TRAF3IP1: variants seen among roughly 807,000 people sequenced by gnomAD.
TRAF3IP1 encodes the protein intraflagellar transport 54.
TRAF3IP1 carries 53 observed loss-of-function variants against 89.9 expected under a neutral mutation model. The ratio of observed to expected loss-of-function variants is 0.59; its 90% CI spans 0.47 to 0.74. The LOEUF is 0.74. Among genes scored for constraint, TRAF3IP1 ranks in the 30% least tolerant of loss-of-function variants. The probability of loss-of-function intolerance (pLI) is 0.00; values close to 1 mark genes in which losing one functional copy is unlikely to be tolerated. For missense variants in TRAF3IP1, 806 were observed against 866.1 expected (o/e 0.93, Z 0.87); for synonymous variants, 311 against 322.1 (o/e 0.97, Z 0.37).
intron 15 of TRAF3IP1, among the ~76,000 whole-genome samples, chr2:238,366,058 A>T (rs1407216123): frequency 6.6e-6 from 1 of 152,156 alleles, no homozygotes; most frequent in African/African-American, 2.4e-5. Context: ...ATCCTGGCTA[A>T]TATGGTGAAA....
rs575734415 is a variant in TRAF3IP1, at chr2:238,329,160, C to T, written c.733C>T (p.Arg245Cys). The T allele has an allele frequency of 6.5e-6, 10 of 1,549,284 alleles. No individual in the cohort carries two copies. Among genetic ancestry groups the T allele is most frequent in the Middle Eastern group, 3.5e-4 (2 of 5,768 alleles). ...GNRERDRDSERKKETERKSEG... is the reference protein window; with the variant it reads ...GNRERDRDSECKKETERKSEG... ...CAGGGAGCGGGACAGAGACTCCGAGCGCAAGAAGGAGACAGAGAGAAAGAG... is the reference window on the plus strand; with the variant it reads ...CAGGGAGCGGGACAGAGACTCCGAGTGCAAGAAGGAGACAGAGAGAAAGAG... Residue 245 changes from arginine to cysteine, a missense_variant, in exon 5 of 17, where the codon CGC becomes TGC. By Grantham distance (180) the Arg-to-Cys change is radical. Transcript: ENST00000373327.
chr2:238,384,539 A>ATTTTTTTTTTTTTT (rs35203636), intron 15 of TRAF3IP1, among the ~76,000 whole-genome samples: 1 of 119,906 alleles, frequency 8.3e-6, no homozygotes, highest in Non-Finnish European at 1.7e-5. Flanking sequence ...CGCCTGGCTA[A>ATTTTTTTTTTTTTT]TTTTTTTTTT....
chr2:238,339,032 TTAAGG>T (rs1698512179), intron 8 of TRAF3IP1, among the ~76,000 whole-genome samples: 1 of 152,200 alleles, frequency 6.6e-6, no homozygotes, highest in South Asian at 2.1e-4. Context: ...TCAGTTTCAC[TTAAGG>T]TAAAAATAGT....
At chr2:238,394,169 CT>C (rs1204219002) in intron 15 of TRAF3IP1, among the ~76,000 whole-genome samples, 1 of 152,168 alleles carries the variant, frequency 6.6e-6, no homozygotes, top group Non-Finnish European at 1.5e-5. Context: ...GCACTCCAGC[CT>C]GGGCGACAGA....
chr2:238,366,099 G>C (rs537098705), intron 15 of TRAF3IP1, among the ~76,000 whole-genome samples: 1 of 152,094 alleles, frequency 6.6e-6, no homozygotes, highest in Admixed American at 6.5e-5. Context: ...CAAAGGGGTG[G>C]CAGGCGCCTG....
rs990689196 is a variant in TRAF3IP1, at chr2:238,351,808, A to G, written c.1452-1019A>G. 2.7e-5 allele frequency among the ~76,000 whole-genome samples: 4 copies of G among 150,654 alleles called. No homozygotes were observed. The highest frequency in any genetic ancestry group is 9.8e-5 in the African/African-American group (4 of 40,716). ...TCTACATTCCCTCTGGACCTTGTGCATGGCACTGAAGCAAGGGAGGATTTT... is the reference window on the plus strand; with the variant it reads ...TCTACATTCCCTCTGGACCTTGTGCGTGGCACTGAAGCAAGGGAGGATTTT... On this transcript the variant is annotated intron_variant, in intron 12 of 16. Coordinates refer to ENST00000373327, the MANE Select transcript of TRAF3IP1 (RefSeq NM_015650.4). This position sits in a 1 kb window ranked among gnomAD's most constrained non-coding sequence, Gnocchi z 5.2.
intron 8 of TRAF3IP1, among the ~76,000 whole-genome samples, chr2:238,341,567 T>TTGA (rs1332280786): frequency 1.3e-5 from 2 of 151,616 alleles, no homozygotes; most frequent in Non-Finnish European, 2.9e-5. Context: ...CACTGGCTAT[T>TTGA]TGATGACATT....
Position 238,380,698 on chromosome 2 carries a change from G to A in TRAF3IP1, c.1690-16761G>A, listed in dbSNP as rs575236532. 9.2e-3 allele frequency among the ~76,000 whole-genome samples: 1,402 copies of A among 152,232 alleles called. 4 individuals are homozygous for A. Among genetic ancestry groups the A allele is most frequent in the Non-Finnish European group, 0.015 (1,015 of 68,006 alleles). On this transcript the variant is annotated intron_variant, in intron 15 of 16. Coordinates refer to ENST00000373327, the MANE Select transcript of TRAF3IP1 (RefSeq NM_015650.4). The stretch of plus-strand genomic sequence containing the variant: ...TGATTCACCCCCGGCCCCAAGGTGA[G>A]ATGACCCCAACAATATTTTAAAGGA...
chr2:238,385,673 C>T (rs1481114829), intron 15 of TRAF3IP1, among the ~76,000 whole-genome samples: 1 of 152,180 alleles, frequency 6.6e-6, no homozygotes, highest in Non-Finnish European at 1.5e-5. Flanking sequence ...CCAGTTTTTC[C>T]GTGGACTGCT....
rs901434628 is a variant in TRAF3IP1, at chr2:238,351,873, G to A, written c.1452-954G>A. Among the ~76,000 whole-genome samples, 19 of 151,074 alleles carry A rather than the reference G, an allele frequency of 1.3e-4. No individual in the cohort carries two copies. The highest frequency in any genetic ancestry group is 4.1e-4 in the African/African-American group (17 of 41,058). On this transcript the variant is annotated intron_variant, in intron 12 of 16. Transcript: ENST00000373327. The surrounding 1 kb of genome is among the most constrained non-coding windows in gnomAD (Gnocchi z 5.2). ...TGTGTGTGTGTGTGTGTGTGCGCGC[G>A]CGCGCGTGTGCGTGCATGTGCTTGT...
chr2:238,350,516 C>T (rs1201870204), intron 12 of TRAF3IP1, among the ~76,000 whole-genome samples: 1 of 152,030 alleles, frequency 6.6e-6, no homozygotes, highest in Non-Finnish European at 1.5e-5. Context: ...CGAGAGTGGG[C>T]TAGTGAAGAG....
chr2:238,333,018 A>C, intron 6 of TRAF3IP1, 123 bp downstream of exon 6: 1 of 690,482 alleles, frequency 1.4e-6, no homozygotes, highest in Non-Finnish European at 2.6e-6. Flanking sequence ...CCTATCTGTA[A>C]TAGGTCCATT....
At chr2:238,357,165 T>G (rs1444129057) in intron 15 of TRAF3IP1, among the ~76,000 whole-genome samples, 2 of 152,200 alleles carry the variant, frequency 1.3e-5, no homozygotes, top group East Asian at 3.9e-4. Flanking sequence ...GATGTGCTTT[T>G]GTTGGGACCT....
In TRAF3IP1 at chr2:238,351,896, TGTGTGTATGC is replaced by T. The variant is rs1699188531; in HGVS notation, c.1452-924_1452-915del. 6.7e-6 allele frequency among the ~76,000 whole-genome samples: 1 copy of T among 150,226 alleles called. No homozygotes were observed. The highest frequency in any genetic ancestry group is 2.1e-4 in the South Asian group (1 of 4,720). On this transcript the variant is annotated intron_variant, in intron 12 of 16. Transcript: ENST00000373327. The surrounding 1 kb of genome is among the most constrained non-coding windows in gnomAD (Gnocchi z 5.2). ...GCGCGCGCGTGTGCGTGCATGTGCT[TGTGTGTATGC>T]GTGTGTGTGTGTGTGTGTGTGTATG...
At chr2:238,386,592 C>T (rs1258844889) in intron 15 of TRAF3IP1, among the ~76,000 whole-genome samples, 4 of 152,154 alleles carry the variant, frequency 2.6e-5, no homozygotes, top group African/African-American at 9.7e-5. Context: ...GGATTACAAG[C>T]GTGAGCCACT....
In TRAF3IP1 at chr2:238,344,597, A is replaced by C; in HGVS notation, c.1260A>C (p.Lys420Asn). The part of the protein sequence containing the change: ...NIQPNPTEKQ[K>N]GDSTSDAEGD... ...AGCCCAACCCCACAGAGAAGCAGAA[A>C]GGTAAGAATGGTCCAGTTTCGCCCT... The change falls in exon 9 of 17, where the codon AAA (lysine) becomes AAC (asparagine). Residue 420 changes from lysine to asparagine, a missense_variant and splice_region_variant. Coordinates refer to ENST00000373327, the MANE Select transcript of TRAF3IP1 (RefSeq NM_015650.4). 1 of 1,613,782 alleles carries C rather than the reference A, an allele frequency of 6.2e-7. No homozygotes were observed. The highest frequency in any genetic ancestry group is 8.5e-7 in the Non-Finnish European group (1 of 1,179,662).
chr2:238,360,624 C>T (rs1186937993), intron 15 of TRAF3IP1, among the ~76,000 whole-genome samples: 5 of 152,282 alleles, frequency 3.3e-5, no homozygotes, highest in Admixed American at 2.6e-4. Flanking sequence ...TGGCTCACAC[C>T]TGTAATCCCA....
chr2:238,339,960 T>C (rs1026790418), intron 8 of TRAF3IP1, among the ~76,000 whole-genome samples: 2 of 151,874 alleles, frequency 1.3e-5, no homozygotes, highest in Non-Finnish European at 2.9e-5. Flanking sequence ...GGTTTCTGGG[T>C]TGAACTTTTT....
intron 14 of TRAF3IP1, among the ~76,000 whole-genome samples, chr2:238,354,373 T>C (rs999084270): frequency 2.6e-5 from 4 of 152,222 alleles, no homozygotes; most frequent in Admixed American, 6.5e-5. Flanking sequence ...AGCAGGGATA[T>C]ACTTTTTTAA....
Sources: allele counts gnomAD v4.1 joint callset (sites outside exome capture counted in the v4.1 genomes callset), GRCh38; gene constraint gnomAD v4.1.1; non-coding constraint Gnocchi (gnomAD v3.1); transcripts MANE v1.5; gene names NCBI Gene and HGNC (gene_info 2026-07-23, HGNC 2026-07-21).